SLC25A21: variants seen among roughly 807,000 people sequenced by gnomAD.
SLC25A21 encodes mitochondrial 2-oxodicarboxylate carrier.
SLC25A21 carries 47 observed loss-of-function variants against 43.8 expected under a neutral mutation model. That is an observed-to-expected ratio of 1.07 (90% CI 0.85 to 1.37). SLC25A21 has a LOEUF of 1.37. Ranked by LOEUF, SLC25A21 falls within the 40% of genes most tolerant of loss-of-function variation. The pLI, the probability that SLC25A21 is intolerant of heterozygous loss-of-function variation, is 0.00. For missense variants in SLC25A21, 352 were observed against 350.2 expected (o/e 1.00, Z -0.04); for synonymous variants, 131 against 121.3 (o/e 1.08, Z -0.52).
intron 1 of SLC25A21, among the ~76,000 whole-genome samples, chr14:37,115,279 A>G (rs1255242228): frequency 6.6e-6 from 1 of 152,186 alleles, no homozygotes; most frequent in Non-Finnish European, 1.5e-5. Context: ...CCAAGAATTG[A>G]TGCTACGGAG....
chr14:36,890,683 G>A (rs1281047389), intron 1 of SLC25A21, among the ~76,000 whole-genome samples: 1 of 152,152 alleles, frequency 6.6e-6, no homozygotes, highest in Non-Finnish European at 1.5e-5. Flanking sequence ...ATAAAAGTTT[G>A]AATTTATAAT....
intron 1 of SLC25A21, among the ~76,000 whole-genome samples, chr14:37,005,060 G>A (rs867112607): frequency 8.6e-5 from 13 of 151,584 alleles, no homozygotes; most frequent in South Asian, 4.2e-4. Flanking sequence ...CAGGGCTTCC[G>A]GTGATCTGTA....
intron 1 of SLC25A21, among the ~76,000 whole-genome samples, chr14:36,877,303 G>A (rs1890563457): frequency 6.6e-6 from 1 of 152,152 alleles, no homozygotes; most frequent in Non-Finnish European, 1.5e-5. Context: ...AAGACTTGGA[G>A]AATCAGACCA....
At chr14:36,882,172 C>T (rs1890751133) in intron 1 of SLC25A21, among the ~76,000 whole-genome samples, 1 of 152,112 alleles carries the variant, frequency 6.6e-6, no homozygotes, top group African/African-American at 2.4e-5. Context: ...CACTTGAGGC[C>T]AGGAATTTGA....
chr14:36,897,519 G>C (rs1252209417), intron 1 of SLC25A21, among the ~76,000 whole-genome samples: 5 of 152,114 alleles, frequency 3.3e-5, no homozygotes, highest in African/African-American at 1.2e-4. Flanking sequence ...ATCGTCTGAA[G>C]CCTTCTTCTC....
chr14:36,754,559 T>A (rs1177932228), intron 3 of SLC25A21, among the ~76,000 whole-genome samples: 1 of 152,182 alleles, frequency 6.6e-6, no homozygotes, highest in East Asian at 1.9e-4. Flanking sequence ...AAGTAGCTTA[T>A]CTACATAGTT....
intron 1 of SLC25A21, among the ~76,000 whole-genome samples, chr14:36,977,325 G>C (rs1412189758): frequency 3.3e-5 from 5 of 152,140 alleles, no homozygotes; most frequent in Non-Finnish European, 7.3e-5. Flanking sequence ...GACCAGAGAG[G>C]AGGACTCTGT....
At chr14:37,126,709 G>C (rs527551770) in intron 1 of SLC25A21, among the ~76,000 whole-genome samples, 1 of 152,262 alleles carries the variant, frequency 6.6e-6, no homozygotes, top group East Asian at 1.9e-4. Context: ...ACCTGATTCT[G>C]CTTAACAAAC....
At chr14:37,002,174 C>T (rs1960503036) in intron 1 of SLC25A21, among the ~76,000 whole-genome samples, 1 of 152,008 alleles carries the variant, frequency 6.6e-6, no homozygotes, top group African/African-American at 2.4e-5. Flanking sequence ...AAGCAAAAAG[C>T]ACCATAAGGA....
At chr14:36,841,635 C>T (rs1452426529) in intron 2 of SLC25A21, among the ~76,000 whole-genome samples, 1 of 152,220 alleles carries the variant, frequency 6.6e-6, no homozygotes, top group Non-Finnish European at 1.5e-5. Context: ...AGCCTCTTGA[C>T]TTACTCCTGT....
chr14:37,010,018 T>G (rs545467239), intron 1 of SLC25A21, among the ~76,000 whole-genome samples: 1 of 152,336 alleles, frequency 6.6e-6, no homozygotes, highest in East Asian at 1.9e-4. Flanking sequence ...AGAGTCAGAA[T>G]ATCTGCTTCA....
At chr14:36,848,044 C>A (rs1889602522) in intron 2 of SLC25A21, among the ~76,000 whole-genome samples, 1 of 152,020 alleles carries the variant, frequency 6.6e-6, no homozygotes, top group African/African-American at 2.4e-5. Flanking sequence ...GCGTGGTGAC[C>A]AACAGATGTG....
chr14:36,936,476 T>C (rs1046531365), intron 1 of SLC25A21, among the ~76,000 whole-genome samples: 1 of 152,180 alleles, frequency 6.6e-6, no homozygotes, highest in African/African-American at 2.4e-5. Flanking sequence ...TCAAAGCCAC[T>C]AACAACTTTT....
intron 1 of SLC25A21, among the ~76,000 whole-genome samples, chr14:36,929,808 T>C (rs1892239066): frequency 6.6e-6 from 1 of 152,182 alleles, no homozygotes; most frequent in Admixed American, 6.5e-5. Context: ...CCATTCCCGT[T>C]TGACAGTCAG....
intron 2 of SLC25A21, among the ~76,000 whole-genome samples, chr14:36,836,458 G>C (rs1889212667): frequency 6.6e-6 from 1 of 152,216 alleles, no homozygotes; most frequent in African/African-American, 2.4e-5. Flanking sequence ...GAAGCCTTTA[G>C]AATTGAGCCC....
intron 1 of SLC25A21, among the ~76,000 whole-genome samples, chr14:36,969,957 A>G (rs79265763): frequency 0.025 from 3,802 of 152,192 alleles, 69 homozygotes; most frequent in Non-Finnish European, 0.038. Flanking sequence ...AAGGGAAGCA[A>G]GGCTCCAGAT....
At chr14:36,880,875 T>C (rs1262292497) in intron 1 of SLC25A21, among the ~76,000 whole-genome samples, 1 of 152,110 alleles carries the variant, frequency 6.6e-6, no homozygotes, top group East Asian at 1.9e-4. Flanking sequence ...CAGATGATTG[T>C]CCAGAGCTGT....
chr14:36,703,596 A>C (rs1214942524), intron 7 of SLC25A21, among the ~76,000 whole-genome samples: 2 of 152,230 alleles, frequency 1.3e-5, no homozygotes, highest in Admixed American at 1.3e-4. Flanking sequence ...AATAACCTGC[A>C]AACATCCTTA....
chr14:37,085,340 T>C (rs1962463916), intron 1 of SLC25A21, among the ~76,000 whole-genome samples: 1 of 152,194 alleles, frequency 6.6e-6, no homozygotes, highest in African/African-American at 2.4e-5. Context: ...GTTAATTCAT[T>C]AAAGAGTTCT....
Sources: allele counts gnomAD v4.1 joint callset (sites outside exome capture counted in the v4.1 genomes callset), GRCh38; gene constraint gnomAD v4.1.1; transcripts MANE v1.5; gene names NCBI Gene and HGNC (gene_info 2026-07-23, HGNC 2026-07-21).